Variants in NSD2 observed in about 807,000 individuals in gnomAD.
The protein encoded by NSD2 is nuclear receptor binding SET domain protein 2.
A neutral mutation model predicts 139.0 loss-of-function variants in NSD2; 12 were observed. The observed-to-expected ratio is 0.09, with a 90% CI of 0.06 to 0.14. NSD2 has a LOEUF of 0.14. Ranked by LOEUF, NSD2 falls within the 10% of genes least tolerant of loss-of-function variation. The probability of loss-of-function intolerance (pLI) is 1.00; values close to 1 mark genes in which losing one functional copy is unlikely to be tolerated. For synonymous variants in NSD2, 669 were observed against 648.7 expected (o/e 1.03, Z -0.48); for missense variants, 1,155 against 1,745.0 (o/e 0.66, Z 6.02).
At chr4:1,947,049 G>T in intron 9 of NSD2, 2 of 1,064,046 alleles carry the variant, frequency 1.9e-6, no homozygotes, top group Non-Finnish European at 2.3e-6. Context: ...GCTGATGGGG[G>T]TTTGCTCAGC....
intron 1 of NSD2, among the ~76,000 whole-genome samples, chr4:1,889,557 A>G (rs2108695598): frequency 6.6e-6 from 1 of 151,304 alleles, no homozygotes; most frequent in South Asian, 2.1e-4. Context: ...GCTGGAGTGC[A>G]ATGGCACCAT....
At chr4:1,895,675 C>T (rs1345870547) in intron 1 of NSD2, among the ~76,000 whole-genome samples, 1 of 152,212 alleles carries the variant, frequency 6.6e-6, no homozygotes, top group African/African-American at 2.4e-5. Flanking sequence ...GTGTTTACCT[C>T]AGGGGCATCT....
rs1434517743 is a variant in NSD2, at chr4:1,945,166, A to G, written c.1881+5388A>G. ...CTGATTTTGTGTTTTTTGTTTAAGT[A>G]CTTCACACAGAAGCCTAGGTAGATT... On this transcript the variant is annotated intron_variant, in intron 9 of 21. Coordinates refer to ENST00000508803, the MANE Select transcript of NSD2 (RefSeq NM_001042424.3). 3.8e-6 allele frequency: 4 copies of G among 1,066,502 alleles called. No homozygotes were observed. The African/African-American group carries it at 4.9e-5, about 13-fold the overall frequency. 66.1% of individuals were successfully genotyped at this position (1,066,502 alleles called of 1,614,324 possible).
At chr4:1,969,482 TTGAGCCCAGCCTGGAGTTTG>T (rs1726217979) in intron 18 of NSD2, among the ~76,000 whole-genome samples, 1 of 151,936 alleles carries the variant, frequency 6.6e-6, no homozygotes, top group South Asian at 2.1e-4. Context: ...GGAGAACCGC[TTGAGCCCAGCCTGGAGTTTG>T]AGACCAGCCT....
Position 1,955,155 on chromosome 4 carries a change from C to T in NSD2, c.2339-6C>T. 6.3e-7 allele frequency: 1 copy of T among 1,594,316 alleles called. No homozygotes were observed. ...GGGTCCTTAGGGTGTGTTTCTTTGC[C>T]TTCAGGTAAAATGATGCGGTGTGTC... On this transcript the variant is annotated splice_polypyrimidine_tract_variant and splice_region_variant and intron_variant, in intron 12 of 21. Coordinates refer to ENST00000508803, the MANE Select transcript of NSD2 (RefSeq NM_001042424.3). The surrounding 1 kb of genome is among the most constrained non-coding windows in gnomAD (Gnocchi z 4.7).
At chr4:1,898,096 TC>T (rs1324887013) in intron 1 of NSD2, among the ~76,000 whole-genome samples, 2 of 152,254 alleles carry the variant, frequency 1.3e-5, no homozygotes, top group African/African-American at 4.8e-5. Flanking sequence ...TTCCTTTTTT[TC>T]CCCCTTCTTT....
chr4:1,913,121 T>C (rs920451738), intron 3 of NSD2, among the ~76,000 whole-genome samples: 1 of 152,230 alleles, frequency 6.6e-6, no homozygotes, highest in Admixed American at 6.5e-5. Context: ...AACCAGGTCA[T>C]ACAGAGATAG....
chr4:1,943,920 T>G, intron 9 of NSD2: 1 of 1,063,922 alleles, frequency 9.4e-7, no homozygotes. Flanking sequence ...AACTGATAGA[T>G]GCATTAGAAG....
rs149925711 is a variant in NSD2, at chr4:1,978,834, C to T, written c.4023C>T (p.Pro1341=). The change falls in exon 22 of 22, where the codon CCC becomes CCT. Residue 1341 remains proline (P), a synonymous_variant. Transcript: ENST00000508803. The stretch of plus-strand genomic sequence containing the variant: ...TCAGAAGCACCAAGACTGAGAAGCC[C>T]CCCCCAGAGCCAGGGAAGCCGAAGG... ...ASVRSTKTEK[P]PPEPGKPKGK... is the part of the protein sequence containing the mutation. 5.8e-3 allele frequency: 9,248 copies of T among 1,603,582 alleles called. 255 individuals are homozygous for T. The South Asian group carries it at 0.064, about 11-fold the overall frequency.
intron 3 of NSD2, among the ~76,000 whole-genome samples, chr4:1,909,488 C>T (rs1169901928): frequency 6.6e-6 from 1 of 152,078 alleles, no homozygotes; most frequent in Non-Finnish European, 1.5e-5. Context: ...GCCTGCAGCA[C>T]CCCATGATGA....
intron 9 of NSD2, chr4:1,944,857 A>G: frequency 9.4e-7 from 1 of 1,063,494 alleles, no homozygotes; most frequent in Non-Finnish European, 1.1e-6. Flanking sequence ...AGGTGTAGTT[A>G]CATCTCAGTG....
intron 9 of NSD2, chr4:1,945,936 A>G (rs1723584861): frequency 9.5e-7 from 1 of 1,055,598 alleles, no homozygotes; most frequent in Non-Finnish European, 1.1e-6. Flanking sequence ...TAGCCCTTTT[A>G]AATTTTTAAT....
At chr4:1,924,009 C>T (rs1405463625) in intron 5 of NSD2, among the ~76,000 whole-genome samples, 1 of 152,122 alleles carries the variant, frequency 6.6e-6, no homozygotes, top group Non-Finnish European at 1.5e-5. Flanking sequence ...CTCCAGGAGC[C>T]AAGAGGTCTA....
chr4:1,932,729 G>A (rs1429639700), intron 6 of NSD2, among the ~76,000 whole-genome samples: 1 of 152,186 alleles, frequency 6.6e-6, no homozygotes, highest in African/African-American at 2.4e-5. Flanking sequence ...CAATGGAATG[G>A]CCAACAGGAG....
chr4:1,911,498 G>C (rs746586392), intron 3 of NSD2, among the ~76,000 whole-genome samples: 8 of 143,950 alleles, frequency 5.6e-5, no homozygotes, highest in Non-Finnish European at 1.0e-4. Context: ...TGAGGCATGA[G>C]AATCGCTTGA....
Position 1,982,014 on chromosome 4 carries a change from G to A in NSD2, c.*3105G>A. The stretch of plus-strand genomic sequence containing the variant: ...GGTCAGATTCCTTTTAGGAATACTG[G>A]GTGCTGTCACCAGGTTTGATAGTTA... On this transcript the variant is annotated 3_prime_UTR_variant, in exon 22 of 22. Transcript: ENST00000508803. The A allele has an allele frequency of 2.5e-6, 1 of 398,392 alleles. No individual in the cohort carries two copies. The highest frequency in any genetic ancestry group is 4.4e-6 in the Non-Finnish European group (1 of 225,976). The allele number at this position is 398,392 out of a possible 1,614,324, so 24.7% of individuals were successfully genotyped here.
chr4:1,874,417 T>G (rs1714101091), intron 1 of NSD2, among the ~76,000 whole-genome samples: 1 of 152,226 alleles, frequency 6.6e-6, no homozygotes, highest in Non-Finnish European at 1.5e-5. Context: ...CTTTCTCCCC[T>G]GTTGGGTTAA....
chr4:1,918,402 A>G lies in NSD2; in HGVS notation c.1189A>G (p.Met397Val). The change falls in exon 5 of 22, where the codon ATG becomes GTG. Residue 397 changes from methionine to valine, a missense_variant. Met to Val is a conservative substitution (Grantham distance 21). Coordinates refer to ENST00000508803, the MANE Select transcript of NSD2 (RefSeq NM_001042424.3). Reference sequence around the variant, plus strand: ...GTCTGTGAGAGAAGAGTGCATTCCCATGAAGAGAAGGCGGAGGGCCAAACT... The same window carrying G: ...GTCTGTGAGAGAAGAGTGCATTCCCGTGAAGAGAAGGCGGAGGGCCAAACT... ...PKSVREECIP[M>V]KRRRRAKLCS... 2 of 1,614,132 alleles carry G rather than the reference A, an allele frequency of 1.2e-6. No individual in the cohort carries two copies. The highest frequency in any genetic ancestry group is 1.7e-5 in the Admixed American group (1 of 60,000).
chr4:1,889,746 A>T (rs1465109930), intron 1 of NSD2, among the ~76,000 whole-genome samples: 1 of 151,744 alleles, frequency 6.6e-6, no homozygotes, highest in Non-Finnish European at 1.5e-5. Flanking sequence ...ACCTCAGGTG[A>T]TACACCCGCC....
Sources: gnomAD v4.1 joint callset for allele counts (sites outside exome capture counted in the v4.1 genomes callset) on GRCh38, gnomAD v4.1.1 for gene constraint, Gnocchi (gnomAD v3.1) non-coding constraint, MANE v1.5 for transcripts, NCBI Gene and HGNC (gene_info 2026-07-23, HGNC 2026-07-21) for gene names.